NBPF20: variants seen among roughly 807,000 people sequenced by gnomAD.
NBPF20 encodes NBPF member 20.
NBPF20 carries 90 observed loss-of-function variants against 68.1 expected under a neutral mutation model. The ratio of observed to expected loss-of-function variants is 1.32; its 90% CI spans 1.11 to 1.58. NBPF20 has a LOEUF of 1.58. Ranked by LOEUF, NBPF20 falls within the 40% of genes most tolerant of loss-of-function variation. The pLI is 0.00. For missense variants in NBPF20, 816 were observed against 601.2 expected (o/e 1.36, Z -3.74); for synonymous variants, 290 against 228.1 (o/e 1.27, Z -2.45).
At chr1:145,292,121 T>A (rs1661154108) in intron 137 of NBPF20, among the ~76,000 whole-genome samples, 2 of 149,740 alleles carry the variant, frequency 1.3e-5, no homozygotes, top group Middle Eastern at 3.4e-3. Flanking sequence ...TAGTTTTCCA[T>A]AAAATATGCT....
In NBPF20 at chr1:145,400,596, T is replaced by A. The variant is rs1173946329; in HGVS notation, c.567-2A>T. On this transcript the variant is annotated splice_acceptor_variant, in intron 5 of 137. Transcript: ENST00000369373. LOFTEE classifies it high-confidence loss of function. ...TTTTCTTCAGCCTTCTGCATCTCCC[T>A]GATGAGCCAGGTGGGACAGAGATGA... is the stretch of plus-strand genomic sequence containing the variant. 1 of 1,611,500 alleles carries A rather than the reference T, an allele frequency of 6.2e-7. No individual in the cohort carries two copies. Among genetic ancestry groups the A allele is most frequent in the Non-Finnish European group, 8.5e-7 (1 of 1,179,432 alleles).
At chr1:145,298,403 G>A (rs1331392425) in intron 129 of NBPF20, among the ~76,000 whole-genome samples, 4 of 143,298 alleles carry the variant, frequency 2.8e-5, no homozygotes, top group Admixed American at 2.7e-4. Flanking sequence ...GAGAGAACGA[G>A]CTCAGTGAAT....
chr1:145,417,707 C>G, the NBPF20 span, among the ~76,000 whole-genome samples: 1 of 146,112 alleles, frequency 6.8e-6, no homozygotes, highest in South Asian at 2.2e-4. Flanking sequence ...GAGAAAGATG[C>G]TCAAAATCAT....
chr1:145,295,230 G>C, intron 133 of NBPF20: 1 of 583,070 alleles, frequency 1.7e-6, no homozygotes, highest in Non-Finnish European at 2.9e-6. Flanking sequence ...ACTGATGAAG[G>C]GGTCAAAGGA....
chr1:145,291,810 T>A (rs587609613), intron 137 of NBPF20, 41 bp from the exon 143 acceptor site: 5 of 1,611,084 alleles, frequency 3.1e-6, no homozygotes, highest in South Asian at 2.2e-5. Flanking sequence ...CCAGGGAAAA[T>A]CAGAAACCAC....
In NBPF20 at chr1:145,292,451, T is replaced by A. The variant is rs782341541; in HGVS notation, c.16627A>T (p.Arg5543Ter). 2 of 716,516 alleles carry A rather than the reference T, an allele frequency of 2.8e-6. No individual in the cohort carries two copies. Among genetic ancestry groups the A allele is most frequent in the South Asian group, 1.5e-5 (1 of 68,780 alleles). The allele number at this position is 716,516 out of a possible 1,614,324, so 44.4% of individuals were successfully genotyped here. A position where few individuals can be genotyped will look rare whatever the true frequency, so the allele number is the denominator to read the frequency against. The change falls in exon 137 of 138, where the codon AGA becomes TGA. Residue 5543 changes from arginine (R) to a stop codon, truncating the protein, a stop_gained. Transcript: ENST00000369373. LOFTEE classifies it high-confidence loss of function. ...CTTCTTCTTTTCTTCTTTGATCTTCTTCCCCTTCTTTTCTTCCCCTTCCCC... is the reference window on the plus strand; with the variant it reads ...CTTCTTCTTTTCTTCTTTGATCTTCATCCCCTTCTTTTCTTCCCCTTCCCC...
intron 129 of NBPF20, among the ~76,000 whole-genome samples, chr1:145,298,343 C>G (rs1192454816): frequency 1.4e-5 from 2 of 142,110 alleles, no homozygotes; most frequent in African/African-American, 3.0e-5. Context: ...CACACACACA[C>G]ACACACACAC....
the NBPF20 span, among the ~76,000 whole-genome samples, chr1:145,421,723 A>T: frequency 2.8e-4 from 42 of 152,376 alleles, no homozygotes; most frequent in African/African-American, 9.4e-4. Flanking sequence ...CAAATCTTTT[A>T]AATTAGAAAA....
chr1:145,397,900 C>T (rs1219019433), intron 7 of NBPF20, among the ~76,000 whole-genome samples: 1 of 151,932 alleles, frequency 6.6e-6, no homozygotes, highest in Non-Finnish European at 1.5e-5. Context: ...ATCTACCAAG[C>T]AAATGGAAAA....
intron 2 of NBPF20, 25 bp from the exon 8 acceptor site, chr1:145,403,343 C>T (rs1553666000): frequency 1.1e-5 from 18 of 1,573,944 alleles, no homozygotes; most frequent in Middle Eastern, 2.3e-4. Context: ...ACACGCCTGC[C>T]TCAGTGGAAG....
At chr1:145,378,209 A>C (rs1661866840) in intron 28 of NBPF20, 115 bp from the exon 34 acceptor site, 2 of 62,246 alleles carry the variant, frequency 3.2e-5, no homozygotes, top group Non-Finnish European at 5.4e-5. Flanking sequence ...AGAATAGGAC[A>C]CTGTGAGAGA....
intron 8 of NBPF20, among the ~76,000 whole-genome samples, chr1:145,394,206 T>C (rs1340045316): frequency 6.6e-6 from 1 of 152,024 alleles, no homozygotes; most frequent in Non-Finnish European, 1.5e-5. Flanking sequence ...GAGAAATTTT[T>C]TCCCCAATAA....
At chr1:145,425,365 G>A in the NBPF20 span, among the ~76,000 whole-genome samples, 3 of 152,106 alleles carry the variant, frequency 2.0e-5, no homozygotes, top group Non-Finnish European at 4.4e-5. Context: ...CGGAAACGCT[G>A]GGTGGACTTC....
At chr1:145,422,867 T>C in the NBPF20 span, among the ~76,000 whole-genome samples, 2 of 150,346 alleles carry the variant, frequency 1.3e-5, no homozygotes, top group South Asian at 4.3e-4. Context: ...CACACTCCTA[T>C]AGTCGCAGCT....
chr1:145,400,095 T>G (rs1401095603), intron 6 of NBPF20, among the ~76,000 whole-genome samples: 1 of 152,124 alleles, frequency 6.6e-6, no homozygotes, highest in Admixed American at 6.6e-5. Flanking sequence ...TAATCACAGA[T>G]GACAAGAGAT....
chr1:145,405,675 G>A, upstream of NBPF20: 1 of 553,338 alleles, frequency 1.8e-6, no homozygotes, highest in South Asian at 2.1e-5. Flanking sequence ...TCTCACCTGA[G>A]GGTCACCACC....
upstream of NBPF20, among the ~76,000 whole-genome samples, chr1:145,407,405 A>T (rs1662839850): frequency 6.8e-6 from 1 of 147,122 alleles, no homozygotes; most frequent in Non-Finnish European, 1.5e-5. Context: ...TATATATATT[A>T]TACACATATA....
At chr1:145,424,965 G>A in the NBPF20 span, among the ~76,000 whole-genome samples, 2 of 152,178 alleles carry the variant, frequency 1.3e-5, no homozygotes, top group African/African-American at 4.8e-5. Flanking sequence ...ACCCAGGGGC[G>A]CGAGTGGTCT....
At chr1:145,334,862 G>T (rs1661559730) in intron 83 of NBPF20, among the ~76,000 whole-genome samples, 3 of 138,998 alleles carry the variant, frequency 2.2e-5, no homozygotes, top group Non-Finnish European at 4.9e-5. Flanking sequence ...AGAGAGAGGA[G>T]AAAGTAAGCT....
Sources: gnomAD v4.1 joint callset for allele counts (sites outside exome capture counted in the v4.1 genomes callset) on GRCh38, gnomAD v4.1.1 for gene constraint, MANE v1.5 for transcripts, NCBI Gene and HGNC (gene_info 2026-07-23, HGNC 2026-07-21) for gene names.